Variants in DAGLB observed in about 807,000 individuals in gnomAD.
DAGLB encodes the protein diacylglycerol lipase-beta.
A neutral mutation model predicts 72.1 loss-of-function variants in DAGLB; 66 were observed. The ratio of observed to expected loss-of-function variants is 0.92; its 90% CI spans 0.75 to 1.12. The LOEUF (loss-of-function observed/expected upper bound fraction) is 1.12, where lower values mean the gene tolerates loss of function less well. Ranked by LOEUF, DAGLB falls within the 50% of genes most tolerant of loss-of-function variation. The probability of loss-of-function intolerance (pLI) is 0.00; values close to 1 mark genes in which losing one functional copy is unlikely to be tolerated. For synonymous variants in DAGLB, 414 were observed against 359.5 expected, an observed-to-expected ratio of 1.15 and a Z score of -1.71; for missense variants, 1,065 against 884.9, an observed-to-expected ratio of 1.20 and a Z score of -2.58.
chr7:6,421,918 C>G (rs1217631163), intron 8 of DAGLB, 114 bp from the exon 9 acceptor site: 3 of 1,188,704 alleles, frequency 2.5e-6, no homozygotes, highest in African/African-American at 3.1e-5. Flanking sequence ...ATGGCACCAT[C>G]TCCTAGTTCG....
At chr7:6,444,171 G>C (rs1462462618) in intron 2 of DAGLB, among the ~76,000 whole-genome samples, 1 of 152,176 alleles carries the variant, frequency 6.6e-6, no homozygotes, top group South Asian at 2.1e-4. Flanking sequence ...CTACTTGGGG[G>C]TTGAGAAGAG....
intron 6 of DAGLB, among the ~76,000 whole-genome samples, chr7:6,430,159 C>G (rs899287432): frequency 6.7e-6 from 1 of 148,640 alleles, no homozygotes; most frequent in Non-Finnish European, 1.5e-5. Flanking sequence ...GAGCTGAGAT[C>G]ACGCCACTGC....
intron 2 of DAGLB, among the ~76,000 whole-genome samples, chr7:6,437,156 A>C (rs1784687991): frequency 1.8e-5 from 1 of 56,452 alleles, no homozygotes; most frequent in Non-Finnish European, 2.8e-5. Flanking sequence ...TCCGTCTCAA[A>C]ATAATAATAA....
At chr7:6,423,924 C>G (rs1003973402) in intron 8 of DAGLB, among the ~76,000 whole-genome samples, 2 of 152,096 alleles carry the variant, frequency 1.3e-5, no homozygotes, top group African/African-American at 4.8e-5. Context: ...GTGAACAGGG[C>G]GCCCCCCGGG....
intron 8 of DAGLB, 28 bp from the exon 9 acceptor site, chr7:6,421,832 C>T (rs780566077): frequency 8.7e-6 from 14 of 1,609,410 alleles, no homozygotes; most frequent in African/African-American, 4.0e-5. Flanking sequence ...CAGAAGCGGC[C>T]GTCAGCCTGT....
At chr7:6,422,737 G>C (rs536774029) in intron 8 of DAGLB, 1 of 152,552 alleles carries the variant, frequency 6.6e-6, no homozygotes, top group East Asian at 1.9e-4. Context: ...TACTAGAGGA[G>C]GGCAGGGGAA....
At chr7:6,445,544 T>C (rs774387513) in intron 2 of DAGLB, among the ~76,000 whole-genome samples, 4 of 152,164 alleles carry the variant, frequency 2.6e-5, no homozygotes, top group East Asian at 1.9e-4. Flanking sequence ...GAGTCTCCAC[T>C]CTGTCACTCA....
Position 6,446,032 on chromosome 7 carries a change from G to A in DAGLB, c.168C>T (p.Ser56=). 1.2e-6 allele frequency: 2 copies of A among 1,613,696 alleles called. No homozygotes were observed. Among genetic ancestry groups the A allele is most frequent in the Non-Finnish European group, 1.7e-6 (2 of 1,179,910 alleles). Reference sequence around the variant, plus strand: ...GAATCATGAGGACGATCAAGTAACTGCTGAGCAAGGCTCCACCAGCACAGT... The same window carrying A: ...GAATCATGAGGACGATCAAGTAACTACTGAGCAAGGCTCCACCAGCACAGT... ...KLDCAGGALL[S]SYLIVLMILL... is the part of the protein sequence containing the mutation. Residue 56 remains serine (S), a synonymous_variant, in exon 2 of 15, where the codon AGC becomes AGT. Coordinates refer to ENST00000297056, the MANE Select transcript of DAGLB (RefSeq NM_139179.4).
At chr7:6,439,900 A>C (rs1480095177) in intron 2 of DAGLB, among the ~76,000 whole-genome samples, 1 of 151,818 alleles carries the variant, frequency 6.6e-6, no homozygotes, top group East Asian at 1.9e-4. Flanking sequence ...AAAAATACAA[A>C]AATTAGCCAG....
At chr7:6,421,661 A>T (rs1784128824) in intron 9 of DAGLB, 66 bp downstream of exon 9, 2 of 1,529,602 alleles carry the variant, frequency 1.3e-6, no homozygotes, top group Admixed American at 3.6e-5. Context: ...GCAGTCCCTG[A>T]CCCGAGGCAC....
At chr7:6,447,359 G>A (rs1785040704) in intron 1 of DAGLB, among the ~76,000 whole-genome samples, 1 of 152,204 alleles carries the variant, frequency 6.6e-6, no homozygotes, top group Non-Finnish European at 1.5e-5. Flanking sequence ...AGGGAAGGAA[G>A]GGCACAAGTG....
intron 4 of DAGLB, among the ~76,000 whole-genome samples, chr7:6,434,466 G>C (rs570565664): frequency 1.3e-5 from 2 of 152,228 alleles, no homozygotes; most frequent in African/African-American, 4.8e-5. Context: ...TATTCTCAAA[G>C]GGTACAGCGT....
chr7:6,433,006 AC>A lies in DAGLB; in HGVS notation c.679-48del, dbSNP rs750738141. The A allele has an allele frequency of 1.5e-5, 24 of 1,588,354 alleles. No homozygotes were observed. In the African/African-American group the frequency reaches 2.7e-4, roughly 18 times the overall value. ...CCTGTCATAAAACCCAGCAGGCACCACCCCCGGGTTCCCTAAAATCCAGTCT... is the reference window on the plus strand; with the variant it reads ...CCTGTCATAAAACCCAGCAGGCACCACCCCGGGTTCCCTAAAATCCAGTCT... On this transcript the variant is annotated intron_variant, in intron 4 of 14. Coordinates refer to ENST00000297056, the MANE Select transcript of DAGLB (RefSeq NM_139179.4).
At position 6,421,622 on chromosome 7, in the gene DAGLB, G is replaced by A. The variant is rs571612700; in HGVS notation, c.1218+105C>T. 3.9e-5 allele frequency: 39 copies of A among 1,012,522 alleles called. 1 individual carries two copies. In the South Asian group the frequency reaches 4.9e-4, roughly 13 times the overall value. The allele number at this position is 1,012,522 out of a possible 1,614,324, so 62.7% of individuals were successfully genotyped here. On this transcript the variant is annotated intron_variant, in intron 9 of 14. Coordinates refer to ENST00000297056, the MANE Select transcript of DAGLB (RefSeq NM_139179.4). Reference sequence around the variant, plus strand: ...AGGCAGCGCGGGAGGCGCAGGCAGCGCGGGAGGCGCAGGCAGCGCGGGCTC... The same window carrying A: ...AGGCAGCGCGGGAGGCGCAGGCAGCACGGGAGGCGCAGGCAGCGCGGGCTC...
intron 11 of DAGLB, among the ~76,000 whole-genome samples, chr7:6,415,844 CAAAAAAAAAA>C (rs145952398): frequency 0.013 from 1,065 of 82,054 alleles, 4 homozygotes; most frequent in Non-Finnish European, 0.021. Context: ...GACTCCGTCT[CAAAAAAAAAA>C]AAAAAAGTAA....
intron 11 of DAGLB, among the ~76,000 whole-genome samples, chr7:6,414,211 C>T (rs1284568314): frequency 3.3e-5 from 5 of 151,924 alleles, no homozygotes; most frequent in Admixed American, 1.3e-4. Context: ...AGGGTTTCAC[C>T]GTGTTAGCCA....
chr7:6,412,661 A>G, intron 13 of DAGLB, 150 bp downstream of exon 13: 1 of 869,724 alleles, frequency 1.1e-6, no homozygotes, highest in Non-Finnish European at 1.8e-6. Flanking sequence ...ACAGAGTCCT[A>G]GCCCAGAATC....
chr7:6,447,778 C>T lies in DAGLB; in HGVS notation c.65G>A (p.Gly22Glu), dbSNP rs768388852. Residue 22 changes from glycine (G) to glutamate (E), a missense_variant, in exon 1 of 15, where the codon GGG (glycine) becomes GAG (glutamate). Coordinates refer to ENST00000297056, the MANE Select transcript of DAGLB (RefSeq NM_139179.4). ...CACTCGCACGACCAGCTCGAAGAACCCTGGGAAGACCAAGTCGTCGCTGGC... is the reference window on the plus strand; with the variant it reads ...CACTCGCACGACCAGCTCGAAGAACTCTGGGAAGACCAAGTCGTCGCTGGC... ...AIASDDLVFP[G>E]FFELVVRVLW... 1.2e-6 allele frequency: 2 copies of T among 1,613,730 alleles called. No individual in the cohort carries two copies. The highest frequency in any genetic ancestry group is 8.5e-7 in the Non-Finnish European group (1 of 1,179,878).
intron 5 of DAGLB, among the ~76,000 whole-genome samples, chr7:6,432,464 TG>T (rs372563955): frequency 6.6e-6 from 1 of 151,090 alleles, no homozygotes; most frequent in African/African-American, 2.4e-5. Flanking sequence ...GAGACCATCC[TG>T]GCTAACACGG....
Sources: gnomAD v4.1 joint callset for allele counts (sites outside exome capture counted in the v4.1 genomes callset) on GRCh38, gnomAD v4.1.1 for gene constraint, MANE v1.5 for transcripts, NCBI Gene and HGNC (gene_info 2026-07-23, HGNC 2026-07-21) for gene names.